Variants in MACROD2 observed in about 807,000 individuals in gnomAD.
MACROD2 encodes ADP-ribose glycohydrolase MACROD2.
In MACROD2, 36 loss-of-function variants were observed where a neutral mutation model predicts 70.4. The ratio of observed to expected loss-of-function variants is 0.51; its 90% CI spans 0.39 to 0.68. The LOEUF is 0.68. Ranked by LOEUF, MACROD2 falls within the 30% of genes least tolerant of loss-of-function variation. The probability of loss-of-function intolerance (pLI) is 0.00; values close to 1 mark genes in which losing one functional copy is unlikely to be tolerated. For synonymous variants in MACROD2, 172 were observed against 178.8 expected, an observed-to-expected ratio of 0.96 and a Z score of 0.30; for missense variants, 496 against 538.4, an observed-to-expected ratio of 0.92 and a Z score of 0.78.
chr20:15,154,729 C>A (rs1180307828), intron 5 of MACROD2, among the ~76,000 whole-genome samples: 1 of 152,218 alleles, frequency 6.6e-6, no homozygotes, highest in Non-Finnish European at 1.5e-5. Context: ...GGGCTCCACC[C>A]TCAGGGCTCG....
intron 7 of MACROD2, among the ~76,000 whole-genome samples, chr20:15,453,890 C>T (rs2046678797): frequency 6.6e-6 from 1 of 152,090 alleles, no homozygotes; most frequent in Admixed American, 6.5e-5. Flanking sequence ...CTTGTAGCCC[C>T]CAGAGTGGGA....
chr20:14,742,553 T>C (rs896158087), intron 5 of MACROD2, among the ~76,000 whole-genome samples: 28 of 151,876 alleles, frequency 1.8e-4, no homozygotes, highest in African/African-American at 6.3e-4. Flanking sequence ...TTCCTTTCAA[T>C]TCAGCTGTAC....
intron 2 of MACROD2, among the ~76,000 whole-genome samples, chr20:14,024,996 G>A (rs534934957): frequency 1.6e-4 from 24 of 152,202 alleles, no homozygotes; most frequent in Non-Finnish European, 3.2e-4. Context: ...TAATTGTCTG[G>A]TCCTGGGCTT....
At chr20:14,969,670 G>A (rs1466527612) in intron 5 of MACROD2, among the ~76,000 whole-genome samples, 1 of 152,018 alleles carries the variant, frequency 6.6e-6, no homozygotes, top group Non-Finnish European at 1.5e-5. Flanking sequence ...AAAGTTGAAA[G>A]GACTTGGCCT....
chr20:14,206,977 A>C (rs2081529374), intron 3 of MACROD2, among the ~76,000 whole-genome samples: 1 of 152,216 alleles, frequency 6.6e-6, no homozygotes, highest in Non-Finnish European at 1.5e-5. Flanking sequence ...TGATAATAAT[A>C]GAAAAAGGAA....
chr20:14,408,711 T>C (rs1256187978), intron 3 of MACROD2, among the ~76,000 whole-genome samples: 1 of 152,138 alleles, frequency 6.6e-6, no homozygotes, highest in African/African-American at 2.4e-5. Flanking sequence ...AGAGATGGCA[T>C]TTAGATAACT....
At chr20:14,311,086 A>C (rs2082563268) in intron 3 of MACROD2, among the ~76,000 whole-genome samples, 1 of 152,212 alleles carries the variant, frequency 6.6e-6, no homozygotes, top group Non-Finnish European at 1.5e-5. Context: ...GTGTAGCTTA[A>C]GTGTACAGTG....
At chr20:14,737,264 C>A (rs13038917) in intron 5 of MACROD2, among the ~76,000 whole-genome samples, 1 of 151,908 alleles carries the variant, frequency 6.6e-6, no homozygotes, top group African/African-American at 2.4e-5. Flanking sequence ...TCATCCATGT[C>A]CCTGCAAAGG....
intron 7 of MACROD2, among the ~76,000 whole-genome samples, chr20:15,475,341 A>G (rs1158717332): frequency 6.6e-6 from 1 of 152,168 alleles, no homozygotes; most frequent in African/African-American, 2.4e-5. Context: ...TTCCTGGATG[A>G]TGAATCTGCA....
chr20:14,281,067 A>G (rs2082302380), intron 3 of MACROD2, among the ~76,000 whole-genome samples: 1 of 152,228 alleles, frequency 6.6e-6, no homozygotes, highest in African/African-American at 2.4e-5. Flanking sequence ...TTAATTCACT[A>G]AAATACTACT....
chr20:15,652,118 T>C (rs2049654140), intron 8 of MACROD2, among the ~76,000 whole-genome samples: 1 of 152,138 alleles, frequency 6.6e-6, no homozygotes, highest in African/African-American at 2.4e-5. Context: ...TCCTAGACAC[T>C]GATGTCAGAA....
intron 4 of MACROD2, among the ~76,000 whole-genome samples, chr20:14,524,149 C>A (rs1169685850): frequency 6.6e-6 from 1 of 152,238 alleles, no homozygotes; most frequent in African/African-American, 2.4e-5. Flanking sequence ...AATTACATTG[C>A]CTCAGAAGTC....
chr20:15,148,971 T>A (rs983767973), intron 5 of MACROD2, among the ~76,000 whole-genome samples: 3 of 151,996 alleles, frequency 2.0e-5, no homozygotes, highest in African/African-American at 7.3e-5. Flanking sequence ...GTGGGAAGGC[T>A]AAACTGAGGA....
intron 4 of MACROD2, among the ~76,000 whole-genome samples, chr20:14,550,940 G>A (rs1978611140): frequency 6.6e-6 from 1 of 151,318 alleles, no homozygotes; most frequent in African/African-American, 2.4e-5. Flanking sequence ...CATTCCAAAT[G>A]AAGACAGTAA....
intron 6 of MACROD2, among the ~76,000 whole-genome samples, chr20:15,260,024 A>C (rs1160350788): frequency 2.0e-5 from 3 of 151,914 alleles, no homozygotes; most frequent in Non-Finnish European, 4.4e-5. Flanking sequence ...ATAGTTGTAC[A>C]TATGTATGTG....
intron 6 of MACROD2, among the ~76,000 whole-genome samples, chr20:15,285,242 A>G (rs1426707065): frequency 6.6e-6 from 1 of 152,168 alleles, no homozygotes; most frequent in Non-Finnish European, 1.5e-5. Flanking sequence ...CAGAAAATTA[A>G]CAGTCACATA....
intron 2 of MACROD2, among the ~76,000 whole-genome samples, chr20:14,041,416 A>G (rs1408053750): frequency 6.6e-6 from 1 of 152,170 alleles, no homozygotes; most frequent in Non-Finnish European, 1.5e-5. Flanking sequence ...TTTCATTTTG[A>G]GGACATAATT....
chr20:14,688,476 A>G (rs904985293), intron 5 of MACROD2, among the ~76,000 whole-genome samples: 15 of 152,110 alleles, frequency 9.9e-5, no homozygotes, highest in Admixed American at 2.6e-4. Context: ...GGATGTTTTG[A>G]ATGATTTCTT....
At chr20:14,684,553 G>A (rs1346645943) in intron 4 of MACROD2, among the ~76,000 whole-genome samples, 6 of 151,996 alleles carry the variant, frequency 3.9e-5, no homozygotes, top group Non-Finnish European at 8.8e-5. Context: ...ATGGAAAAAT[G>A]CTACATATCA....
Sources: allele counts gnomAD v4.1 joint callset (sites outside exome capture counted in the v4.1 genomes callset), GRCh38; gene constraint gnomAD v4.1.1; transcripts MANE v1.5; gene names NCBI Gene and HGNC (gene_info 2026-07-23, HGNC 2026-07-21).